FOXP2: variants seen among roughly 807,000 people sequenced by gnomAD.
The protein encoded by FOXP2 is forkhead box P2.
Under a neutral mutation model 115.8 loss-of-function variants are expected in FOXP2, and 12 were observed. That is an observed-to-expected ratio of 0.10 (90% confidence interval 0.07 to 0.17). The LOEUF is 0.17. Among genes scored for constraint, FOXP2 ranks in the 10% least tolerant of loss-of-function variants. The probability of loss-of-function intolerance (pLI) is 1.00; values close to 1 mark genes in which losing one functional copy is unlikely to be tolerated. For synonymous variants in FOXP2, 328 were observed against 297.7 expected, an observed-to-expected ratio of 1.10 and a Z score of -1.05; for missense variants, 629 against 843.5, an observed-to-expected ratio of 0.75 and a Z score of 3.15.
intron 3 of FOXP2, among the ~76,000 whole-genome samples, chr7:114,603,003 A>C (rs1803114518): frequency 6.6e-6 from 1 of 152,316 alleles, no homozygotes; most frequent in East Asian, 1.9e-4. Context: ...CAACTTGAGT[A>C]CAAGACAATC....
intron 1 of FOXP2, among the ~76,000 whole-genome samples, chr7:114,236,606 A>G (rs953346542): frequency 1.3e-5 from 2 of 152,218 alleles, no homozygotes; most frequent in African/African-American, 4.8e-5. Context: ...AGTTATTCAC[A>G]ATTATATATC....
chr7:114,436,503 A>C (rs1794356542), intron 2 of FOXP2, among the ~76,000 whole-genome samples: 1 of 151,412 alleles, frequency 6.6e-6, no homozygotes, highest in Non-Finnish European at 1.5e-5. Flanking sequence ...TATTGATATA[A>C]AATTCTTAGC....
intron 1 of FOXP2, among the ~76,000 whole-genome samples, chr7:114,191,481 C>T (rs1336719425): frequency 1.3e-5 from 2 of 152,110 alleles, no homozygotes; most frequent in Non-Finnish European, 2.9e-5. Context: ...TCTCGAGAGA[C>T]GCATATATTG....
chr7:114,192,701 A>C (rs148166778), intron 1 of FOXP2, among the ~76,000 whole-genome samples: 275 of 152,340 alleles, frequency 1.8e-3, no homozygotes, highest in East Asian at 6.0e-3. Flanking sequence ...TTCACTGTAA[A>C]GGTTTTATGA....
At chr7:114,588,500 A>T (rs928378923) in intron 3 of FOXP2, among the ~76,000 whole-genome samples, 2 of 152,138 alleles carry the variant, frequency 1.3e-5, no homozygotes, top group African/African-American at 4.8e-5. Context: ...TGGAAAATGA[A>T]ATACTCTCTG....
At chr7:114,637,021 AT>A (rs1392446888) in intron 6 of FOXP2, among the ~76,000 whole-genome samples, 1 of 152,100 alleles carries the variant, frequency 6.6e-6, no homozygotes, top group East Asian at 1.9e-4. Flanking sequence ...AAAAAATAAA[AT>A]AATTAGCTGA....
intron 1 of FOXP2, among the ~76,000 whole-genome samples, chr7:114,252,752 T>C (rs1301767801): frequency 6.6e-6 from 1 of 151,602 alleles, no homozygotes; most frequent in African/African-American, 2.4e-5. Flanking sequence ...AGCTCCTGCT[T>C]TCATTGATTT....
At chr7:114,412,865 T>A (rs1206616734), upstream of FOXP2, among the ~76,000 whole-genome samples, 1 of 152,124 alleles carries the variant, frequency 6.6e-6, no homozygotes, top group Non-Finnish European at 1.5e-5. Flanking sequence ...ACTAGTGGTA[T>A]TGTTTGTCCT....
intron 6 of FOXP2, among the ~76,000 whole-genome samples, chr7:114,639,748 A>G (rs1805422066): frequency 6.6e-6 from 1 of 152,220 alleles, no homozygotes; most frequent in South Asian, 2.1e-4. Flanking sequence ...CTGGTATAAC[A>G]GAATGAAAAG....
chr7:114,423,375 G>T (rs1037721442), intron 1 of FOXP2, among the ~76,000 whole-genome samples: 10 of 151,528 alleles, frequency 6.6e-5, no homozygotes, highest in African/African-American at 2.4e-4. Flanking sequence ...GCTTAAAAAA[G>T]AAGAAAGAAA....
chr7:114,181,862 A>T (rs1328160353), intron 1 of FOXP2, among the ~76,000 whole-genome samples: 2 of 152,100 alleles, frequency 1.3e-5, no homozygotes, highest in African/African-American at 4.8e-5. Flanking sequence ...TATCTGTAGA[A>T]TGGTTCAACT....
At chr7:114,553,519 G>C (rs572451852) in intron 3 of FOXP2, among the ~76,000 whole-genome samples, 1 of 152,032 alleles carries the variant, frequency 6.6e-6, no homozygotes, top group African/African-American at 2.4e-5. Context: ...AATTTTTCAA[G>C]AAATAAATAA....
chr7:114,127,515 A>G (rs1181124245), intron 1 of FOXP2, among the ~76,000 whole-genome samples: 4 of 152,198 alleles, frequency 2.6e-5, no homozygotes, highest in Admixed American at 2.0e-4. Context: ...TAACTCATCA[A>G]TGTTAATTTT....
At chr7:114,392,328 G>A (rs1209873296) in intron 2 of FOXP2, among the ~76,000 whole-genome samples, 1 of 152,190 alleles carries the variant, frequency 6.6e-6, no homozygotes, top group African/African-American at 2.4e-5. Context: ...AGAAACCTAG[G>A]AACTAGGGTG....
chr7:114,321,411 G>A (rs779352634), intron 2 of FOXP2, among the ~76,000 whole-genome samples: 1 of 151,932 alleles, frequency 6.6e-6, no homozygotes, highest in Admixed American at 6.6e-5. Context: ...TGTTAGCCAG[G>A]ATGGTCTTTT....
chr7:114,386,603 T>A (rs531479177), intron 2 of FOXP2, among the ~76,000 whole-genome samples: 2 of 152,324 alleles, frequency 1.3e-5, no homozygotes, highest in Non-Finnish European at 2.9e-5. Context: ...CTATTTTTGG[T>A]TTCACCTTTG....
intron 3 of FOXP2, among the ~76,000 whole-genome samples, chr7:114,589,753 A>G (rs1008959386): frequency 1.5e-4 from 23 of 152,114 alleles, no homozygotes; most frequent in Admixed American, 2.6e-4. Flanking sequence ...TGATTGTACC[A>G]TGGCCCACCC....
In FOXP2 at chr7:114,608,622, G is replaced by A. The variant is rs182762863; in HGVS notation, c.259-19918G>A. Among the ~76,000 whole-genome samples, 3 of 152,244 alleles carry A rather than the reference G, an allele frequency of 2.0e-5. No individual in the cohort carries two copies. In the East Asian group the frequency reaches 5.8e-4, roughly 29 times the overall value. ...CACAGGTTCTACTTACTCTCAGGGA[G>A]AGTATTATATAAAGACTTGGATCAT... On this transcript the variant is annotated intron_variant, in intron 3 of 16. Transcript: ENST00000350908.
chr7:114,137,888 A>C (rs563308477), intron 1 of FOXP2, among the ~76,000 whole-genome samples: 1 of 152,190 alleles, frequency 6.6e-6, no homozygotes, highest in Non-Finnish European at 1.5e-5. Context: ...GAGAGGGCCT[A>C]GAAGCAACAG....
Sources: allele counts gnomAD v4.1 joint callset (sites outside exome capture counted in the v4.1 genomes callset), GRCh38; gene constraint gnomAD v4.1.1; transcripts MANE v1.5; gene names NCBI Gene and HGNC (gene_info 2026-07-23, HGNC 2026-07-21).